Variants in TSHZ3 observed in about 807,000 individuals in gnomAD.
The protein encoded by TSHZ3 is teashirt homolog 3.
TSHZ3 carries 10 observed loss-of-function variants against 64.5 expected under a neutral mutation model. The ratio of observed to expected loss-of-function variants is 0.16; its 90% CI spans 0.10 to 0.26. The LOEUF is 0.26. Ranked by LOEUF, TSHZ3 falls within the 10% of genes least tolerant of loss-of-function variation. TSHZ3 has a pLI of 1.00. For synonymous variants in TSHZ3, 608 were observed against 593.1 expected, an observed-to-expected ratio of 1.03 and a Z score of -0.36; for missense variants, 1,242 against 1,421.7, an observed-to-expected ratio of 0.87 and a Z score of 2.03.
chr19:31,150,099 T>G (rs565484698), exon 7 of TSHZ3, among the ~76,000 whole-genome samples: 1 of 152,308 alleles, frequency 6.6e-6, no homozygotes, highest in South Asian at 2.1e-4. Context: ...TGAATGGATC[T>G]CGTTTAATTT....
intron 6 of TSHZ3, among the ~76,000 whole-genome samples, chr19:31,154,941 G>T (rs555416561): frequency 6.6e-6 from 1 of 152,232 alleles, no homozygotes; most frequent in Admixed American, 6.5e-5. Flanking sequence ...CCTCATGGCC[G>T]TGGTGTCCCA....
intron 1 of TSHZ3, among the ~76,000 whole-genome samples, chr19:31,301,110 CG>C (rs1373752201): frequency 1.3e-5 from 2 of 152,080 alleles, no homozygotes; most frequent in East Asian, 3.9e-4. Context: ...TTTCCCCCCT[CG>C]GCTACAATAG....
intron 1 of TSHZ3, among the ~76,000 whole-genome samples, chr19:31,253,689 A>G (rs1417383581): frequency 6.6e-6 from 1 of 152,152 alleles, no homozygotes; most frequent in Non-Finnish European, 1.5e-5. Context: ...GTAAAAAGCA[A>G]TAGTCTGTGC....
Position 31,277,173 on chromosome 19 carries a change from T to C in TSHZ3, c.2620A>G (p.Ile874Val), listed in dbSNP as rs1976253969. 3.7e-6 allele frequency: 6 copies of C among 1,614,122 alleles called. No homozygotes were observed. Among genetic ancestry groups the C allele is most frequent in the Non-Finnish European group, 5.1e-6 (6 of 1,179,992 alleles). ...GCCTCCTCCAGAGTGGCCCCGTCAA[T>C]GTCAGACTTCTCGGAGATGCTGGAA... ...TPSSISEKSDIDGATLEEAEE... is the reference protein window; with the variant it reads ...TPSSISEKSDVDGATLEEAEE... Residue 874 changes from isoleucine to valine, a missense_variant, in exon 2 of 2, where the codon ATT (isoleucine) becomes GTT (valine). Ile to Val is a conservative substitution (Grantham distance 29). Transcript: ENST00000240587. The surrounding 1 kb of genome is among the most constrained non-coding windows in gnomAD (Gnocchi z 4.5).
At chr19:31,310,943 C>T (rs945144321) in intron 1 of TSHZ3, among the ~76,000 whole-genome samples, 2 of 152,196 alleles carry the variant, frequency 1.3e-5, no homozygotes, top group East Asian at 1.9e-4. Flanking sequence ...ATCTCTAGGG[C>T]GACATTTCAG....
chr19:31,349,024 G>A, intron 1 of TSHZ3, 156 bp downstream of exon 1: 2 of 913,186 alleles, frequency 2.2e-6, no homozygotes, highest in South Asian at 2.0e-5. Context: ...CCCGGTACCC[G>A]AGGCGGGCGC....
Position 31,290,680 on chromosome 19 carries a change from T to TG in TSHZ3, c.41-10929dup, listed in dbSNP as rs374591244. Among the ~76,000 whole-genome samples the TG allele has an allele frequency of 4.1e-3, 627 of 152,184 alleles. 4 individuals carry two copies. Among genetic ancestry groups the TG allele is most frequent in the Non-Finnish European group, 6.1e-3 (417 of 68,010 alleles). On this transcript the variant is annotated intron_variant, in intron 1 of 1. Transcript: ENST00000240587. ...AGGGACAAAGAGAAAATGGCATTCT[T>TG]GGATGGTACCAGGGAGACCAGGGGC...
intron 1 of TSHZ3, among the ~76,000 whole-genome samples, chr19:31,310,849 A>AT (rs1287208480): frequency 6.6e-6 from 1 of 152,256 alleles, no homozygotes; most frequent in Non-Finnish European, 1.5e-5. Context: ...TGTGGCAAGC[A>AT]TTCAGTAAAG....
intron 1 of TSHZ3, among the ~76,000 whole-genome samples, chr19:31,245,001 C>T (rs1975742193): frequency 6.6e-6 from 1 of 152,008 alleles, no homozygotes; most frequent in Non-Finnish European, 1.5e-5. Flanking sequence ...ATAAAGCAGT[C>T]AAATAAATAC....
At chr19:31,336,881 T>G in intron 1 of TSHZ3, among the ~76,000 whole-genome samples, 1 of 152,244 alleles carries the variant, frequency 6.6e-6, no homozygotes, top group Admixed American at 6.5e-5. Flanking sequence ...CGTCTTTGAA[T>G]GTTGAACCTT....
chr19:31,152,750 T>C (rs115422658), intron 6 of TSHZ3, among the ~76,000 whole-genome samples: 1,978 of 152,258 alleles, frequency 0.013, 51 homozygotes, highest in African/African-American at 0.045. Flanking sequence ...TAACTTCCTC[T>C]GTGCTTCCTT....
At chr19:31,319,597 C>T (rs1019328557) in intron 1 of TSHZ3, among the ~76,000 whole-genome samples, 9 of 152,160 alleles carry the variant, frequency 5.9e-5, no homozygotes, top group African/African-American at 2.2e-4. Context: ...GAGAGGCAGG[C>T]CCTGAGGAAA....
intron 1 of TSHZ3, among the ~76,000 whole-genome samples, chr19:31,250,051 C>T (rs550250623): frequency 2.0e-4 from 31 of 152,328 alleles, no homozygotes; most frequent in Admixed American, 1.6e-3. Flanking sequence ...AGGCTGCACG[C>T]GCCAGGCACA....
intron 1 of TSHZ3, among the ~76,000 whole-genome samples, chr19:31,266,712 G>T (rs1202768896): frequency 1.3e-5 from 2 of 152,184 alleles, no homozygotes; most frequent in Non-Finnish European, 2.9e-5. Flanking sequence ...AGACACACGG[G>T]AATAGAATAA....
intron 5 of TSHZ3, among the ~76,000 whole-genome samples, chr19:31,178,650 G>C (rs1052837743): frequency 1.3e-5 from 2 of 152,206 alleles, no homozygotes; most frequent in African/African-American, 4.8e-5. Context: ...TTGCACTCCA[G>C]CCTGGGCGAC....
In TSHZ3 at chr19:31,276,615, G is replaced by A; in HGVS notation, c.3178C>T (p.Leu1060Phe). Residue 1060 changes from leucine (L) to phenylalanine (F), a missense_variant, in exon 2 of 2, where the codon CTT becomes TTT. Leu to Phe is a conservative substitution (Grantham distance 22, BLOSUM62 0). Transcript: ENST00000240587. ...FASKHAVKLH[L>F]SKTHGKSPED... ...GGAGATTTCCCGTGTGTTTTGCTAAGGTGAAGTTTAACAGCGTGCTTGCTG... is the reference window on the plus strand; with the variant it reads ...GGAGATTTCCCGTGTGTTTTGCTAAAGTGAAGTTTAACAGCGTGCTTGCTG... 1 of 1,606,740 alleles carries A rather than the reference G, an allele frequency of 6.2e-7. No homozygotes were observed. The highest frequency in any genetic ancestry group is 8.5e-7 in the Non-Finnish European group (1 of 1,174,356).
chr19:31,226,581 G>A (rs1045567569), intron 4 of TSHZ3, among the ~76,000 whole-genome samples: 6 of 152,102 alleles, frequency 3.9e-5, no homozygotes, highest in Admixed American at 6.6e-5. Flanking sequence ...TATCAGCAGC[G>A]TGAAAATGGA....
intron 1 of TSHZ3, among the ~76,000 whole-genome samples, chr19:31,260,488 GTCC>G (rs1486593799): frequency 6.6e-6 from 1 of 152,204 alleles, no homozygotes; most frequent in Non-Finnish European, 1.5e-5. Flanking sequence ...TCTGGGCTCT[GTCC>G]TCCTGGCATG....
chr19:31,205,616 T>C (rs1433021785), intron 4 of TSHZ3, among the ~76,000 whole-genome samples: 2 of 152,074 alleles, frequency 1.3e-5, no homozygotes, highest in Non-Finnish European at 2.9e-5. Context: ...TGAAGATGAG[T>C]CTCAACCTGG....
Sources: gnomAD v4.1 joint callset for allele counts (sites outside exome capture counted in the v4.1 genomes callset) on GRCh38, gnomAD v4.1.1 for gene constraint, Gnocchi (gnomAD v3.1) non-coding constraint, MANE v1.5 for transcripts, NCBI Gene and HGNC (gene_info 2026-07-23, HGNC 2026-07-21) for gene names.